Variants in SLC4A4 observed in about 807,000 individuals in gnomAD.
The protein encoded by SLC4A4 is electrogenic sodium bicarbonate cotransporter 1.
Under a neutral mutation model 111.5 loss-of-function variants are expected in SLC4A4, and 27 were observed. The ratio of observed to expected loss-of-function variants is 0.24; its 90% CI spans 0.18 to 0.33. The LOEUF (loss-of-function observed/expected upper bound fraction) is 0.33. Ranked by LOEUF, SLC4A4 falls within the 10% of genes least tolerant of loss-of-function variation. The probability of loss-of-function intolerance (pLI) is 1.00; values close to 1 mark genes in which losing one functional copy is unlikely to be tolerated. For missense variants in SLC4A4, 909 were observed against 1,315.5 expected (o/e 0.69, Z 4.78); for synonymous variants, 443 against 463.4 (o/e 0.96, Z 0.57).
chr4:71,501,332 C>G (rs1427244794), intron 16 of SLC4A4, among the ~76,000 whole-genome samples: 1 of 151,642 alleles, frequency 6.6e-6, no homozygotes, highest in Non-Finnish European at 1.5e-5. Context: ...TTTATTACTT[C>G]TAAAATTTTT....
chr4:71,236,251 G>A (rs972575789), intron 1 of SLC4A4: 42 of 289,222 alleles, frequency 1.5e-4, no homozygotes, highest in East Asian at 1.3e-3. Flanking sequence ...TTTTTTTTTT[G>A]CTTTCATCCT....
chr4:71,504,692 T>G (rs559840570), intron 16 of SLC4A4, among the ~76,000 whole-genome samples: 62 of 152,066 alleles, frequency 4.1e-4, no homozygotes, highest in African/African-American at 1.4e-3. Context: ...ATTATTTTTC[T>G]TTTTTGCTTT....
At chr4:71,158,689 AT>A (rs1744541854) in intron 2 of SLC4A4, among the ~76,000 whole-genome samples, 1 of 152,110 alleles carries the variant, frequency 6.6e-6, no homozygotes, top group South Asian at 2.1e-4. Flanking sequence ...ATCAATATAG[AT>A]TTTGATTTCC....
At chr4:71,069,291 C>T (rs1470878871) in intron 1 of SLC4A4, among the ~76,000 whole-genome samples, 1 of 152,166 alleles carries the variant, frequency 6.6e-6, no homozygotes, top group Non-Finnish European at 1.5e-5. Context: ...TTGTACTTTT[C>T]TGCCTTTCTA....
At chr4:71,454,160 A>G (rs575123768) in intron 12 of SLC4A4, among the ~76,000 whole-genome samples, 1 of 152,200 alleles carries the variant, frequency 6.6e-6, no homozygotes, top group Non-Finnish European at 1.5e-5. Context: ...AATATAAGCT[A>G]ACAGTTATAT....
chr4:71,125,090 A>G (rs1371811190), intron 2 of SLC4A4, among the ~76,000 whole-genome samples: 2 of 152,168 alleles, frequency 1.3e-5, no homozygotes, highest in East Asian at 3.8e-4. Context: ...CTTCTAGCAT[A>G]TTGTGATATT....
chr4:71,451,965 T>C (rs567064474), intron 11 of SLC4A4, among the ~76,000 whole-genome samples: 9 of 152,326 alleles, frequency 5.9e-5, no homozygotes, highest in Admixed American at 5.2e-4. Context: ...GTTTCCTAAA[T>C]TGCTTCAGCT....
At chr4:71,289,475 T>C (rs1006934511) in intron 3 of SLC4A4, among the ~76,000 whole-genome samples, 1 of 152,210 alleles carries the variant, frequency 6.6e-6, no homozygotes, top group Non-Finnish European at 1.5e-5. Flanking sequence ...AATGTTATTA[T>C]GCAAGAGAAA....
intron 16 of SLC4A4, among the ~76,000 whole-genome samples, chr4:71,503,593 C>G (rs1192610529): frequency 1.3e-5 from 2 of 152,078 alleles, no homozygotes; most frequent in East Asian, 1.9e-4. Flanking sequence ...TTGCTCCCTC[C>G]CACAATTTAT....
intron 3 of SLC4A4, among the ~76,000 whole-genome samples, chr4:71,297,492 A>C (rs757310217): frequency 7.0e-6 from 1 of 143,478 alleles, no homozygotes; most frequent in Non-Finnish European, 1.5e-5. Flanking sequence ...TTCTGGCTTG[A>C]TACACACACA....
At position 71,167,904 on chromosome 4, in the gene SLC4A4, T is replaced by C. The variant is rs113075048; in HGVS notation, c.-1-68672T>C. 9.4e-3 allele frequency among the ~76,000 whole-genome samples: 1,437 copies of C among 152,306 alleles called. 27 individuals are homozygous for C. The highest frequency in any genetic ancestry group is 0.033 in the African/African-American group (1,362 of 41,574). Reference sequence around the variant, plus strand: ...TCTTTCAAATTTATTCACTTCTCTCTATCTTCAGTCCTCACCCCTGCCTTA... The same window carrying C: ...TCTTTCAAATTTATTCACTTCTCTCCATCTTCAGTCCTCACCCCTGCCTTA... On this transcript the variant is annotated intron_variant, in intron 2 of 26. Coordinates refer to the SLC4A4 transcript ENST00000649996.
At chr4:71,478,512 A>G (rs1223610693) in intron 14 of SLC4A4, among the ~76,000 whole-genome samples, 1 of 151,902 alleles carries the variant, frequency 6.6e-6, no homozygotes, top group African/African-American at 2.4e-5. Flanking sequence ...ATAGGAACAG[A>G]AAACCAAATA....
At chr4:71,352,144 A>G (rs1045016143) in intron 5 of SLC4A4, among the ~76,000 whole-genome samples, 2 of 152,204 alleles carry the variant, frequency 1.3e-5, no homozygotes, top group African/African-American at 4.8e-5. Context: ...AGAAAAGTAT[A>G]ATGATTGGCA....
intron 7 of SLC4A4, among the ~76,000 whole-genome samples, chr4:71,410,901 T>C (rs1220896395): frequency 1.3e-5 from 2 of 152,202 alleles, no homozygotes; most frequent in Admixed American, 1.3e-4. Flanking sequence ...CCTGTGGTAG[T>C]GCATTAATCA....
chr4:71,514,191 A>G (rs1162783335), intron 16 of SLC4A4, among the ~76,000 whole-genome samples: 1 of 152,184 alleles, frequency 6.6e-6, no homozygotes, highest in Non-Finnish European at 1.5e-5. Flanking sequence ...GTCCCCACCC[A>G]TGTCTCACGT....
chr4:71,455,449 T>C (rs1240758212), intron 12 of SLC4A4, among the ~76,000 whole-genome samples: 1 of 152,176 alleles, frequency 6.6e-6, no homozygotes, highest in African/African-American at 2.4e-5. Flanking sequence ...CAGCTATTCT[T>C]CATCTAAATG....
intron 1 of SLC4A4, among the ~76,000 whole-genome samples, chr4:71,073,607 C>A (rs1237548649): frequency 6.6e-6 from 1 of 152,130 alleles, no homozygotes; most frequent in Non-Finnish European, 1.5e-5. Context: ...ATCACCACTT[C>A]ACAAACTATA....
chr4:71,125,389 A>T (rs1259944811), intron 2 of SLC4A4, among the ~76,000 whole-genome samples: 1 of 152,226 alleles, frequency 6.6e-6, no homozygotes, highest in Non-Finnish European at 1.5e-5. Flanking sequence ...CCTGGCCAAC[A>T]TGGCAAAACC....
intron 2 of SLC4A4, among the ~76,000 whole-genome samples, chr4:71,125,064 A>T (rs4694380): frequency 6.6e-6 from 1 of 152,054 alleles, no homozygotes; most frequent in Admixed American, 6.5e-5. Flanking sequence ...TTGGTACTGC[A>T]TTTTTTTTGG....
Sources: allele counts gnomAD v4.1 joint callset (sites outside exome capture counted in the v4.1 genomes callset), GRCh38; gene constraint gnomAD v4.1.1; transcripts MANE v1.5; gene names NCBI Gene and HGNC (gene_info 2026-07-23, HGNC 2026-07-21).